The following ROBO2 variants were observed in gnomAD, a reference collection of about 807,000 sequenced individuals.
ROBO2 encodes roundabout guidance receptor 2, also known as roundabout homolog 2.
In ROBO2, 53 loss-of-function variants were observed where a neutral mutation model predicts 160.8. The ratio of observed to expected loss-of-function variants is 0.33; its 90% CI spans 0.26 to 0.41. The LOEUF is 0.41. ROBO2 is among the 10% of genes least tolerant of loss of function. The probability of loss-of-function intolerance (pLI) is 1.00; values close to 1 mark genes in which losing one functional copy is unlikely to be tolerated. For synonymous variants in ROBO2, 664 were observed against 611.7 expected (o/e 1.09, Z -1.26); for missense variants, 1,577 against 1,722.4 (o/e 0.92, Z 1.49).
At chr3:77,645,295 A>G (rs898511131) in intron 25 of ROBO2, among the ~76,000 whole-genome samples, 1 of 152,058 alleles carries the variant, frequency 6.6e-6, no homozygotes, top group Non-Finnish European at 1.5e-5. Flanking sequence ...TTTTCAAGTT[A>G]CTCTATATTT....
At chr3:76,209,728 G>C (rs142568969) in intron 2 of ROBO2, among the ~76,000 whole-genome samples, 1 of 152,042 alleles carries the variant, frequency 6.6e-6, no homozygotes, top group Non-Finnish European at 1.5e-5. Context: ...AAGATGTGTC[G>C]TGCTCATGGA....
chr3:76,056,140 T>C (rs1275720232), intron 2 of ROBO2, among the ~76,000 whole-genome samples: 2 of 152,198 alleles, frequency 1.3e-5, no homozygotes, highest in South Asian at 2.1e-4. Context: ...CTACATAGCA[T>C]TCACATTGTA....
Position 76,396,824 on chromosome 3 carries a change from G to C in ROBO2, c.109+459222G>C, listed in dbSNP as rs528892360. Among the ~76,000 whole-genome samples the C allele has an allele frequency of 6.6e-5, 10 of 152,186 alleles. No homozygotes were observed. In the South Asian group the frequency reaches 1.0e-3, roughly 16 times the overall value. On this transcript the variant is annotated intron_variant, in intron 2 of 26. Coordinates refer to the ROBO2 transcript ENST00000487694. ...AACCACTGCTCAATGAAATAAAAGA[G>C]GATACAAACAAATGGAAGAACATTC...
At chr3:76,678,381 T>G (rs946852064) in intron 2 of ROBO2, among the ~76,000 whole-genome samples, 2 of 152,094 alleles carry the variant, frequency 1.3e-5, no homozygotes, top group African/African-American at 4.8e-5. Context: ...ATGAACTTGG[T>G]GTTAATGGAT....
chr3:76,901,428 C>T (rs2075219800), intron 2 of ROBO2, among the ~76,000 whole-genome samples: 1 of 151,486 alleles, frequency 6.6e-6, no homozygotes, highest in African/African-American at 2.4e-5. Flanking sequence ...GAAGGCCAGG[C>T]ATGGTAGCTC....
At chr3:76,330,373 T>C (rs1252061211) in intron 2 of ROBO2, among the ~76,000 whole-genome samples, 1 of 152,200 alleles carries the variant, frequency 6.6e-6, no homozygotes, top group East Asian at 1.9e-4. Flanking sequence ...TTAAATAGCA[T>C]TTTTGATAGT....
chr3:76,982,272 A>G (rs1486570514), intron 2 of ROBO2, among the ~76,000 whole-genome samples: 1 of 152,150 alleles, frequency 6.6e-6, no homozygotes, highest in African/African-American at 2.4e-5. Context: ...TTAAGGTTCC[A>G]ATTTTGTTCT....
At chr3:76,447,541 A>G (rs900231324) in intron 2 of ROBO2, among the ~76,000 whole-genome samples, 185 of 149,664 alleles carry the variant, frequency 1.2e-3, no homozygotes, top group African/African-American at 4.2e-3. Flanking sequence ...CCCATTACTG[A>G]GTATATACCC....
At chr3:76,156,298 CAG>C (rs776326776) in intron 2 of ROBO2, among the ~76,000 whole-genome samples, 4 of 150,884 alleles carry the variant, frequency 2.7e-5, no homozygotes, top group Non-Finnish European at 4.4e-5. Flanking sequence ...CTTAAAGTGA[CAG>C]AAAAAAAAAG....
intron 2 of ROBO2, among the ~76,000 whole-genome samples, chr3:76,059,099 G>C (rs1481988027): frequency 2.0e-5 from 3 of 150,704 alleles, no homozygotes; most frequent in African/African-American, 7.3e-5. Context: ...GAATAGTGCC[G>C]CAATAAACAT....
intron 2 of ROBO2, among the ~76,000 whole-genome samples, chr3:76,272,997 T>TATATA (rs1707659319): frequency 1.1e-5 from 1 of 88,626 alleles, no homozygotes; most frequent in African/African-American, 4.8e-5. Context: ...TAATATATAA[T>TATATA]TTATATATAA....
chr3:76,741,711 T>C (rs1253819840), intron 2 of ROBO2, among the ~76,000 whole-genome samples: 1 of 80,816 alleles, frequency 1.2e-5, no homozygotes, highest in African/African-American at 6.6e-5. Context: ...GTTTTTTCTC[T>C]AATTTTTATC....
chr3:76,424,889 C>T (rs1210052158), intron 2 of ROBO2, among the ~76,000 whole-genome samples: 1 of 152,096 alleles, frequency 6.6e-6, no homozygotes, highest in Non-Finnish European at 1.5e-5. Flanking sequence ...CAAAGGCGTG[C>T]ATGGCACAAA....
chr3:75,949,210 A>G (rs62267169), intron 2 of ROBO2, among the ~76,000 whole-genome samples: 14 of 152,028 alleles, frequency 9.2e-5, no homozygotes, highest in African/African-American at 2.4e-4. Context: ...TTTTTTCTCA[A>G]TATGTCTCCT....
chr3:77,573,204 A>G (rs913749714), intron 13 of ROBO2, among the ~76,000 whole-genome samples: 2 of 151,978 alleles, frequency 1.3e-5, no homozygotes, highest in Non-Finnish European at 2.9e-5. Context: ...GTTTCTAAAA[A>G]CATGACAAAG....
chr3:76,728,297 T>G (rs1333590266), intron 2 of ROBO2, among the ~76,000 whole-genome samples: 1 of 152,204 alleles, frequency 6.6e-6, no homozygotes, highest in Non-Finnish European at 1.5e-5. Context: ...TTAGCATTCA[T>G]CAAGTCATTT....
chr3:76,407,755 A>C (rs1482369770), intron 2 of ROBO2, among the ~76,000 whole-genome samples: 1 of 152,058 alleles, frequency 6.6e-6, no homozygotes, highest in Non-Finnish European at 1.5e-5. Flanking sequence ...CTAAATTTTC[A>C]AAGTATTTTA....
At chr3:77,056,534 T>C (rs2065762707) in intron 1 of ROBO2, among the ~76,000 whole-genome samples, 1 of 152,178 alleles carries the variant, frequency 6.6e-6, no homozygotes, top group African/African-American at 2.4e-5. Flanking sequence ...TCTTATTTCT[T>C]TGAAATTGTG....
At chr3:76,755,070 T>C (rs945024576) in intron 2 of ROBO2, among the ~76,000 whole-genome samples, 6 of 151,860 alleles carry the variant, frequency 4.0e-5, no homozygotes, top group African/African-American at 1.4e-4. Context: ...ATAAATTCTG[T>C]AATTAGCCCT....
Sources: allele counts gnomAD v4.1 joint callset (sites outside exome capture counted in the v4.1 genomes callset), GRCh38; gene constraint gnomAD v4.1.1; transcripts MANE v1.5; gene names NCBI Gene and HGNC (gene_info 2026-07-23, HGNC 2026-07-21).